The following PIGX variants were observed in gnomAD, a reference collection of about 807,000 sequenced individuals.
The protein encoded by PIGX is phosphatidylinositol glycan anchor biosynthesis class X.
In PIGX, 24 loss-of-function variants were observed where a neutral mutation model predicts 28.7. The ratio of observed to expected loss-of-function variants is 0.84; its 90% CI spans 0.60 to 1.17. The LOEUF (loss-of-function observed/expected upper bound fraction) is 1.17, where lower values mean the gene tolerates loss of function less well. Among genes scored for constraint, PIGX ranks in the 50% most tolerant of loss-of-function variants. The pLI, the probability that PIGX is intolerant of heterozygous loss-of-function variation, is 0.00. For missense variants in PIGX, 305 were observed against 317.8 expected (o/e 0.96, Z 0.31); for synonymous variants, 127 against 121.0 (o/e 1.05, Z -0.33).
At chr3:196,729,122 A>G (rs779333080) in intron 4 of PIGX, among the ~76,000 whole-genome samples, 4 of 152,030 alleles carry the variant, frequency 2.6e-5, no homozygotes, top group Non-Finnish European at 5.9e-5. Flanking sequence ...TCATGAGTTC[A>G]GGAGTTCGAG....
At chr3:196,722,080 C>T (rs1712349447) in intron 2 of PIGX, among the ~76,000 whole-genome samples, 1 of 152,120 alleles carries the variant, frequency 6.6e-6, no homozygotes, top group Non-Finnish European at 1.5e-5. Context: ...GTGTAAATAT[C>T]CAGTTGTTTC....
rs74568981 is a variant in PIGX at position 196,725,961 on chromosome 3, G to A, written c.319-1962G>A. Among the ~76,000 whole-genome samples, 1,222 of 152,176 alleles carry A rather than the reference G, an allele frequency of 8.0e-3. 12 individuals are homozygous for A. The highest frequency in any genetic ancestry group is 0.028 in the African/African-American group (1,167 of 41,510). On this transcript the variant is annotated intron_variant, in intron 3 of 5. Coordinates refer to ENST00000392391, the MANE Select transcript of PIGX (RefSeq NM_017861.4). ...AACAAAGCTCAAGAATATGTATAGG[G>A]ATATAGACATATCCAGCAAGATCAA...
At chr3:196,721,439 CT>C (rs569827596) in intron 2 of PIGX, 79 of 160,492 alleles carry the variant, frequency 4.9e-4, no homozygotes, top group South Asian at 1.6e-3. Flanking sequence ...CTCTCTCTCT[CT>C]TTTTTTTTTC....
At position 196,734,517 on chromosome 3, in the gene PIGX, CG is replaced by C. The variant is rs1712933707; in HGVS notation, c.*616del. 1.3e-5 allele frequency: 2 copies of C among 152,168 alleles called. No individual in the cohort carries two copies. Among genetic ancestry groups the C allele is most frequent in the African/African-American group, 4.8e-5 (2 of 41,504 alleles). 9.4% of individuals were successfully genotyped at this position (152,168 alleles called of 1,614,324 possible). ...GGCGGAGGTTCCAGAGAGCCAAGATCGCACCACTGCACTACAGCCTGGGCGA... is the reference window on the plus strand; with the variant it reads ...GGCGGAGGTTCCAGAGAGCCAAGATCCACCACTGCACTACAGCCTGGGCGA... On this transcript the variant is annotated 3_prime_UTR_variant, in exon 6 of 6. Coordinates refer to ENST00000392391, the MANE Select transcript of PIGX (RefSeq NM_017861.4).
At chr3:196,728,184 T>G in intron 4 of PIGX, 48 bp downstream of exon 4, 1 of 1,489,748 alleles carries the variant, frequency 6.7e-7, no homozygotes, top group Non-Finnish European at 9.3e-7. Context: ...AGAATAAAGG[T>G]ATGGTGGCAA....
At chr3:196,732,265 TA>T (rs1560080784) in intron 5 of PIGX, among the ~76,000 whole-genome samples, 11,982 of 65,322 alleles carry the variant, frequency 0.18, 1,153 homozygotes, top group East Asian at 0.23. Context: ...TATTTTATTT[TA>T]TTTTATTTTT....
chr3:196,724,927 T>A (rs888057804), intron 3 of PIGX, among the ~76,000 whole-genome samples: 1 of 152,180 alleles, frequency 6.6e-6, no homozygotes, highest in African/African-American at 2.4e-5. Context: ...GAAATAAAAT[T>A]TTTGGCTGCA....
At position 196,716,893 on chromosome 3, in the gene PIGX, C is replaced by G. The variant is rs752823631; in HGVS notation, c.148C>G (p.Gln50Glu). The change falls in exon 2 of 6, where the codon CAA becomes GAA. Residue 50 changes from glutamine (Q) to glutamate (E), a missense_variant. By Grantham distance (29) the Gln-to-Glu change is conservative (BLOSUM62 2). Coordinates refer to ENST00000392391, the MANE Select transcript of PIGX (RefSeq NM_017861.4). ...CATGTGTTCTGAAATTATTTTGAGG[C>G]AAGAAGTTTTGAAAGATGGTTTCCA... The G allele has an allele frequency of 3.1e-6, 5 of 1,606,694 alleles. No homozygotes were observed. The highest frequency in any genetic ancestry group is 4.3e-6 in the Non-Finnish European group (5 of 1,173,832).
intron 5 of PIGX, among the ~76,000 whole-genome samples, chr3:196,732,605 A>G (rs1712858322): frequency 1.3e-5 from 2 of 151,990 alleles, no homozygotes; most frequent in Non-Finnish European, 2.9e-5. Context: ...TCATCTTCAT[A>G]TATACCAGAA....
chr3:196,726,035 G>A (rs1188818653), intron 3 of PIGX, among the ~76,000 whole-genome samples: 1 of 152,074 alleles, frequency 6.6e-6, no homozygotes, highest in Non-Finnish European at 1.5e-5. Context: ...AGGCAAGGAT[G>A]GGGGGAAAAA....
intron 3 of PIGX, among the ~76,000 whole-genome samples, chr3:196,723,934 A>G (rs1415169903): frequency 6.6e-6 from 1 of 151,960 alleles, no homozygotes; most frequent in African/African-American, 2.4e-5. Context: ...ACCACTAATC[A>G]GCAAGTGTGT....
chr3:196,722,386 G>T, intron 2 of PIGX, 29 bp from the exon 3 acceptor site: 1 of 1,552,022 alleles, frequency 6.4e-7, no homozygotes. Flanking sequence ...TGAATGAAGA[G>T]ATTTACTTTC....
At chr3:196,723,877 T>G in intron 3 of PIGX, among the ~76,000 whole-genome samples, 1 of 152,054 alleles carries the variant, frequency 6.6e-6, no homozygotes, top group East Asian at 1.9e-4. Context: ...ATGGGTTCAT[T>G]GAGTAGATAT....
At chr3:196,724,260 C>A (rs771013286) in intron 3 of PIGX, among the ~76,000 whole-genome samples, 1 of 152,048 alleles carries the variant, frequency 6.6e-6, no homozygotes, top group Non-Finnish European at 1.5e-5. Flanking sequence ...GGTTATCTGC[C>A]CACCTTGGCC....
At chr3:196,724,263 C>T (rs28454528) in intron 3 of PIGX, among the ~76,000 whole-genome samples, 56,425 of 151,794 alleles carry the variant, frequency 0.37, 10,546 homozygotes, top group East Asian at 0.55. Context: ...TATCTGCCCA[C>T]CTTGGCCTCC....
chr3:196,726,315 T>TA (rs1487929286), intron 3 of PIGX, among the ~76,000 whole-genome samples: 6 of 146,554 alleles, frequency 4.1e-5, no homozygotes, highest in Admixed American at 3.4e-4. Context: ...AGAGGCTAGG[T>TA]AAAAAAAAGA....
At chr3:196,728,878 T>C (rs1239064038) in intron 4 of PIGX, 1 of 627,554 alleles carries the variant, frequency 1.6e-6, no homozygotes, top group Non-Finnish European at 2.9e-6. Flanking sequence ...TTATCAGTAT[T>C]GCAGGACTCT....
chr3:196,728,558 A>G, intron 4 of PIGX: 1 of 644,788 alleles, frequency 1.6e-6, no homozygotes, highest in Non-Finnish European at 2.8e-6. Context: ...CTCTTAATGT[A>G]CAGGTTTCTC....
rs2108669490 is a variant in PIGX, at chr3:196,712,410, C to G, written c.-123C>G. 1 of 384,372 alleles carries G rather than the reference C, an allele frequency of 2.6e-6. No homozygotes were observed. The highest frequency in any genetic ancestry group is 7.4e-5 in the East Asian group (1 of 13,586). 23.8% of individuals were successfully genotyped at this position (384,372 alleles called of 1,614,324 possible). A position where few individuals can be genotyped will look rare whatever the true frequency, so the allele number is the denominator to read the frequency against. ...ACCGCGGGCGCTAGGCGCGCGCACCCAGCACTCGGTCCCAGCCGATAAATC... is the reference window on the plus strand; with the variant it reads ...ACCGCGGGCGCTAGGCGCGCGCACCGAGCACTCGGTCCCAGCCGATAAATC... On this transcript the variant is annotated 5_prime_UTR_variant, in exon 1 of 6. Transcript: ENST00000392391.
Sources: gnomAD v4.1 joint callset for allele counts (sites outside exome capture counted in the v4.1 genomes callset) on GRCh38, gnomAD v4.1.1 for gene constraint, MANE v1.5 for transcripts, NCBI Gene and HGNC (gene_info 2026-07-23, HGNC 2026-07-21) for gene names.